Variants in COL6A2 observed in about 807,000 individuals in gnomAD.
COL6A2 encodes the protein collagen type VI alpha 2 chain.
COL6A2 carries 90 observed loss-of-function variants against 124.9 expected under a neutral mutation model. The observed-to-expected ratio is 0.72, with a 90% CI of 0.61 to 0.86. The LOEUF is 0.86. COL6A2 is among the 40% of genes least tolerant of loss of function. The probability of loss-of-function intolerance (pLI) is 0.00; values close to 1 mark genes in which losing one functional copy is unlikely to be tolerated. For missense variants in COL6A2, 1,607 were observed against 1,502.5 expected, an observed-to-expected ratio of 1.07 and a Z score of -1.15; for synonymous variants, 793 against 618.2, an observed-to-expected ratio of 1.28 and a Z score of -4.19.
chr21:46,107,115 G>A (rs1425640216), intron 1 of COL6A2, among the ~76,000 whole-genome samples: 27 of 151,870 alleles, frequency 1.8e-4, no homozygotes, highest in Admixed American at 1.8e-3. Flanking sequence ...TTATTCAGTT[G>A]ATTCCTTGGG....
intron 21 of COL6A2, among the ~76,000 whole-genome samples, chr21:46,124,266 TGGCTGGGTG>T (rs1434393481): frequency 6.6e-6 from 1 of 150,990 alleles, no homozygotes; most frequent in African/African-American, 2.4e-5. Flanking sequence ...GGTTAGTGGG[TGGCTGGGTG>T]GATAGATGGA....
chr21:46,118,714 CCA>C (rs1568931529), intron 13 of COL6A2, 38 bp downstream of exon 13: 1 of 1,586,984 alleles, frequency 6.3e-7, no homozygotes, highest in Non-Finnish European at 8.6e-7. Flanking sequence ...GCTGAGCTGG[CCA>C]CACTCACGCC....
intron 14 of COL6A2, among the ~76,000 whole-genome samples, chr21:46,119,566 C>T (rs574686768): frequency 2.1e-4 from 32 of 152,376 alleles, no homozygotes; most frequent in African/African-American, 6.3e-4. Context: ...CCTAAATCCT[C>T]GGCATGGGCG....
intron 1 of COL6A2, among the ~76,000 whole-genome samples, chr21:46,100,630 CAT>C (rs556855847): frequency 2.0e-5 from 3 of 152,316 alleles, no homozygotes; most frequent in African/African-American, 7.2e-5. Context: ...TTAGGTGACT[CAT>C]ATGAGTGAAA....
chr21:46,104,802 G>A (rs886811664), intron 1 of COL6A2, among the ~76,000 whole-genome samples: 2 of 152,208 alleles, frequency 1.3e-5, no homozygotes, highest in Non-Finnish European at 2.9e-5. Context: ...TTCATCACAT[G>A]TAAGGAATCC....
At chr21:46,128,008 T>C (rs996076656) in intron 27 of COL6A2, among the ~76,000 whole-genome samples, 1 of 152,210 alleles carries the variant, frequency 6.6e-6, no homozygotes, top group African/African-American at 2.4e-5. Flanking sequence ...CCTGAGGGTT[T>C]GCGCTTATCG....
intron 27 of COL6A2, among the ~76,000 whole-genome samples, chr21:46,130,131 G>A (rs1284602883): frequency 2.0e-5 from 3 of 152,194 alleles, no homozygotes; most frequent in Admixed American, 1.3e-4. Flanking sequence ...GAAGCTGGCA[G>A]TCCTGGCACC....
In COL6A2 at chr21:46,125,776, G is replaced by GGCTT; in HGVS notation, c.1970-6_1970-3dup. 6.2e-7 allele frequency: 1 copy of GGCTT among 1,611,072 alleles called. No homozygotes were observed. Among genetic ancestry groups the GGCTT allele is most frequent in the East Asian group, 2.2e-5 (1 of 44,820 alleles). ...CCTCTGGCAACGACCTCACGCGTGC[G>GGCTT]GCTTGCAGGGACGCGTGTGGGCGTG... On this transcript the variant is annotated splice_polypyrimidine_tract_variant and intron_variant, in intron 25 of 27. Coordinates refer to ENST00000300527, the MANE Select transcript of COL6A2 (RefSeq NM_001849.4).
intron 27 of COL6A2, among the ~76,000 whole-genome samples, chr21:46,130,604 G>A (rs985043434): frequency 5.3e-5 from 8 of 152,174 alleles, no homozygotes; most frequent in Non-Finnish European, 5.9e-5. Flanking sequence ...GTGCCTGGCC[G>A]GCCCCCACAG....
At chr21:46,127,595 C>T (rs2078692372) in intron 27 of COL6A2, among the ~76,000 whole-genome samples, 1 of 152,184 alleles carries the variant, frequency 6.6e-6, no homozygotes, top group African/African-American at 2.4e-5. Flanking sequence ...AGCAGGGGCA[C>T]CTGGACCCTG....
intron 13 of COL6A2, 32 bp from the exon 14 acceptor site, chr21:46,118,998 C>G: frequency 6.6e-7 from 1 of 1,525,838 alleles, no homozygotes; most frequent in Middle Eastern, 1.7e-4. Context: ...GCCCCTGCCT[C>G]TGGGTGACTG....
intron 1 of COL6A2, among the ~76,000 whole-genome samples, 195 bp downstream of exon 1, chr21:46,098,368 CTCCGCGTCTCTGGG>C (rs1181943708): frequency 6.6e-6 from 1 of 151,896 alleles, no homozygotes; most frequent in East Asian, 1.9e-4. Context: ...GCCCCTGTGG[CTCCGCGTCTCTGGG>C]TCCGACCCTC....
chr21:46,121,998 C>T (rs1568934919), intron 18 of COL6A2, 110 bp from the exon 19 acceptor site: 3 of 1,167,158 alleles, frequency 2.6e-6, no homozygotes, highest in Middle Eastern at 2.3e-4. Flanking sequence ...AACTCGACGG[C>T]ACCCCTAGCC....
intron 27 of COL6A2, 101 bp downstream of exon 27, chr21:46,126,642 C>A: frequency 8.3e-7 from 1 of 1,208,942 alleles, no homozygotes; most frequent in Non-Finnish European, 1.2e-6. Context: ...TGCAGGGACC[C>A]GGGGGGCGGC....
chr21:46,126,056 G>T lies in COL6A2; in HGVS notation c.2241G>T (p.Leu747=). The part of the protein sequence containing the change: ...PRDDDLNLRA[L]CDRDVTVTAI... ...ACGATGACCTCAACTTGCGGGCGCT[G>T]TGCGACCGCGACGTCACAGTGACGG... The change falls in exon 26 of 28, where the codon CTG becomes CTT. Residue 747 remains leucine (L), a synonymous_variant. Transcript: ENST00000300527. 3 of 1,613,030 alleles carry T rather than the reference G, an allele frequency of 1.9e-6. No homozygotes were observed.
At chr21:46,100,412 A>G (rs192586586) in intron 1 of COL6A2, among the ~76,000 whole-genome samples, 51 of 152,324 alleles carry the variant, frequency 3.3e-4, no homozygotes, top group Non-Finnish European at 5.9e-4. Context: ...GGTATACAAT[A>G]TAAAATGTAC....
chr21:46,112,320 A>T lies in COL6A2; in HGVS notation c.457A>T (p.Thr153Ser), dbSNP rs1427917518. 1 of 1,611,660 alleles carries T rather than the reference A, an allele frequency of 6.2e-7. No homozygotes were observed. The highest frequency in any genetic ancestry group is 8.5e-7 in the Non-Finnish European group (1 of 1,179,598). The change falls in exon 3 of 28, where the codon ACC becomes TCC. Residue 153 changes from threonine (T) to serine (S), a missense_variant. By Grantham distance (58) the Thr-to-Ser change is moderately conservative. This residue lies in a region of COL6A2 where 342 missense variants were observed against 381.5 expected (regional missense o/e 0.90). Coordinates refer to ENST00000300527, the MANE Select transcript of COL6A2 (RefSeq NM_001849.4). ...GATCCGGCAGGACCGCAGCAAGGGC[A>T]CCGTCCACTTCGCCGTGGTCATCAC... ...EQIRQDRSKG[T>S]VHFAVVITDG... is the part of the protein sequence containing the mutation.
rs755518889 is a variant in COL6A2 at position 46,124,931 on chromosome 21, C to T, written c.1770+11C>T. ...GACCCCGGTCTCACGGTAGGTGTCA[C>T]ATGGGGCAGAACCAGTGTCCTTCTC... On this transcript the variant is annotated intron_variant, in intron 23 of 27. Coordinates refer to ENST00000300527, the MANE Select transcript of COL6A2 (RefSeq NM_001849.4). 6 of 1,612,758 alleles carry T rather than the reference C, an allele frequency of 3.7e-6. No homozygotes were observed. The highest frequency in any genetic ancestry group is 1.3e-5 in the African/African-American group (1 of 74,944).
rs2078771915 is a variant in COL6A2, at chr21:46,132,307, C to T, written c.2815C>T (p.His939Tyr). 1.2e-6 allele frequency: 2 copies of T among 1,606,426 alleles called. No homozygotes were observed. The highest frequency in any genetic ancestry group is 1.3e-5 in the African/African-American group (1 of 74,908). ...VRSPRGGARR[H>Y]AELSFVFLTD... The stretch of plus-strand genomic sequence containing the variant: ...CAGCCCGCGTGGCGGGGCCCGGAGG[C>T]ACGCAGAGCTGTCCTTCGTGTTCCT... Residue 939 changes from histidine to tyrosine, a missense_variant, in exon 28 of 28, where the codon CAC (histidine) becomes TAC (tyrosine). Coordinates refer to ENST00000300527, the MANE Select transcript of COL6A2 (RefSeq NM_001849.4).
Sources: allele counts gnomAD v4.1 joint callset (sites outside exome capture counted in the v4.1 genomes callset), GRCh38; gene constraint gnomAD v4.1.1; regional missense constraint gnomAD v4.1.1; transcripts MANE v1.5; gene names NCBI Gene and HGNC (gene_info 2026-07-23, HGNC 2026-07-21).